Variants in MAPK10 observed in about 807,000 individuals in gnomAD.
The protein encoded by MAPK10 is mitogen-activated protein kinase 10, also known as JNK3 alpha protein kinase.
Under a neutral mutation model 59.3 loss-of-function variants are expected in MAPK10, and 25 were observed. The observed-to-expected ratio is 0.42, with a 90% CI of 0.31 to 0.59. MAPK10 has a LOEUF of 0.59. Ranked by LOEUF, MAPK10 falls within the 20% of genes least tolerant of loss-of-function variation. MAPK10 has a pLI of 0.15. For missense variants in MAPK10, 351 were observed against 568.9 expected (o/e 0.62, Z 3.90); for synonymous variants, 190 against 200.5 (o/e 0.95, Z 0.44).
Position 86,561,052 on chromosome 4 carries a change from G to T in MAPK10, c.-263+32858C>A, listed in dbSNP as rs116011461. 3.4e-3 allele frequency among the ~76,000 whole-genome samples: 511 copies of T among 152,324 alleles called. 1 individual carries two copies. Among genetic ancestry groups the T allele is most frequent in the African/African-American group, 0.012 (494 of 41,570 alleles). Reference sequence around the variant, plus strand: ...AATTTTTTCCATGAATGCGGGAGTAGGGGGAATGAAACTATTTCATGTCAG... The same window carrying T: ...AATTTTTTCCATGAATGCGGGAGTATGGGGAATGAAACTATTTCATGTCAG... On this transcript the variant is annotated intron_variant, in intron 1 of 4. Transcript: ENST00000502302.
intron 4 of MAPK10, among the ~76,000 whole-genome samples, chr4:86,114,228 T>C (rs1028917520): frequency 6.6e-6 from 1 of 152,366 alleles, no homozygotes; most frequent in East Asian, 1.9e-4. Context: ...ATTCATCCAT[T>C]GCAGTCTCAC....
At chr4:86,174,417 T>C (rs777291822) in intron 3 of MAPK10, among the ~76,000 whole-genome samples, 8 of 151,792 alleles carry the variant, frequency 5.3e-5, no homozygotes, top group Non-Finnish European at 1.2e-4. Context: ...AGCTGAAAAA[T>C]GAGAGCACAT....
At position 86,419,362 on chromosome 4, in the gene MAPK10, C is replaced by T. The variant is rs139947428; in HGVS notation, c.-122+33668G>A. On this transcript the variant is annotated intron_variant, in intron 1 of 13. Transcript: ENST00000361569. The stretch of plus-strand genomic sequence containing the variant: ...TTAAATGCCATATATAAAATATTAC[C>T]TTGCATACATATCTAACAATTTATC... Among the ~76,000 whole-genome samples, 912 of 152,056 alleles carry T rather than the reference C, an allele frequency of 6.0e-3. 2 individuals carry two copies. The highest frequency in any genetic ancestry group is 0.026 in the South Asian group (126 of 4,808).
At chr4:86,571,261 T>G (rs1046275183) in intron 1 of MAPK10, among the ~76,000 whole-genome samples, 2 of 145,980 alleles carry the variant, frequency 1.4e-5, no homozygotes, top group Non-Finnish European at 3.0e-5. Flanking sequence ...TATCCAAAAT[T>G]TAAATATATA....
At chr4:86,320,890 AAAAAACAAACAACCCCATC>A in intron 2 of MAPK10, among the ~76,000 whole-genome samples, 1 of 149,334 alleles carries the variant, frequency 6.7e-6, no homozygotes. Flanking sequence ...ATTTACAAGA[AAAAAACAAACAACCCCATC>A]AAAAAGTGGG....
Position 86,576,801 on chromosome 4 carries a change from T to C in MAPK10, c.-263+17109A>G, listed in dbSNP as rs1262809128. Among the ~76,000 whole-genome samples the C allele has an allele frequency of 7.3e-5, 11 of 151,692 alleles. No individual in the cohort carries two copies. In the East Asian group the frequency reaches 1.9e-3, roughly 27 times the overall value. On this transcript the variant is annotated intron_variant, in intron 1 of 4. Coordinates refer to the MAPK10 transcript ENST00000502302. Reference sequence around the variant, plus strand: ...AAAAAAAAAAACAAAAAACCTATAATTGGTTAATTATTGTGAAATGTCTGA... The same window carrying C: ...AAAAAAAAAAACAAAAAACCTATAACTGGTTAATTATTGTGAAATGTCTGA...
chr4:86,116,970 A>G (rs1197206739), intron 4 of MAPK10, among the ~76,000 whole-genome samples: 2 of 152,262 alleles, frequency 1.3e-5, no homozygotes, highest in Non-Finnish European at 2.9e-5. Flanking sequence ...AATTGGACAC[A>G]TATCTGCTAA....
chr4:86,577,880 T>C (rs1241153601), intron 1 of MAPK10, among the ~76,000 whole-genome samples: 4 of 152,136 alleles, frequency 2.6e-5, no homozygotes, highest in Non-Finnish European at 5.9e-5. Flanking sequence ...TAAATATTTA[T>C]AGAATATTTA....
chr4:86,071,466 C>A lies in MAPK10; in HGVS notation c.803-3511G>T, dbSNP rs2047944830. On this transcript the variant is annotated intron_variant, in intron 9 of 13. Transcript: ENST00000641462. Reference sequence around the variant, plus strand: ...GGTGTTTTGGACATGAAGTCCTTGCCCATGCCTATGTCCTGAATGGTAATG... The same window carrying A: ...GGTGTTTTGGACATGAAGTCCTTGCACATGCCTATGTCCTGAATGGTAATG... Among the ~76,000 whole-genome samples the A allele has an allele frequency of 2.1e-5, 3 of 142,092 alleles. No individual in the cohort carries two copies. The South Asian group carries it at 6.7e-4, about 32-fold the overall frequency. The allele number at this position is 142,092 out of a possible 152,430, so 93.2% of individuals were successfully genotyped here. A position where few individuals can be genotyped will look rare whatever the true frequency, so the allele number is the denominator to read the frequency against.
chr4:86,331,248 AAG>A (rs2096145755), intron 2 of MAPK10, among the ~76,000 whole-genome samples: 1 of 152,180 alleles, frequency 6.6e-6, no homozygotes, highest in Non-Finnish European at 1.5e-5. Context: ...ACCAAACCAT[AAG>A]AGTCAGAAAA....
chr4:86,075,322 C>G (rs1241022686), intron 9 of MAPK10, among the ~76,000 whole-genome samples: 2 of 151,960 alleles, frequency 1.3e-5, no homozygotes, highest in Non-Finnish European at 2.9e-5. Flanking sequence ...TTTTTAACTT[C>G]TTTGCCTTTG....
chr4:86,392,831 G>C (rs1284309041), intron 1 of MAPK10, among the ~76,000 whole-genome samples: 1 of 152,254 alleles, frequency 6.6e-6, no homozygotes, highest in African/African-American at 2.4e-5. Flanking sequence ...GACTGCGTAG[G>C]AGTACAGGAG....
chr4:86,510,683 CAAT>C (rs1374660226), intron 1 of MAPK10, among the ~76,000 whole-genome samples: 1 of 151,894 alleles, frequency 6.6e-6, no homozygotes, highest in Non-Finnish European at 1.5e-5. Context: ...TAGATATACT[CAAT>C]GGAATCTAAT....
At chr4:86,500,826 G>A (rs1201050719) in intron 1 of MAPK10, among the ~76,000 whole-genome samples, 2 of 152,100 alleles carry the variant, frequency 1.3e-5, no homozygotes, top group Admixed American at 1.3e-4. Flanking sequence ...TGAAAGCCAT[G>A]TTGCTACAGC....
intron 9 of MAPK10, among the ~76,000 whole-genome samples, chr4:86,096,777 T>C (rs537038604): frequency 6.6e-6 from 1 of 152,014 alleles, no homozygotes; most frequent in Non-Finnish European, 1.5e-5. Context: ...ATTAGGTATA[T>C]AATTAATCCC....
At chr4:86,361,632 T>A (rs1168800015), upstream of MAPK10, among the ~76,000 whole-genome samples, 1 of 151,958 alleles carries the variant, frequency 6.6e-6, no homozygotes, top group Non-Finnish European at 1.5e-5. Flanking sequence ...GATGAATGTA[T>A]ATATATTATG....
chr4:86,432,465 A>G (rs536810673), intron 1 of MAPK10, among the ~76,000 whole-genome samples: 1 of 152,192 alleles, frequency 6.6e-6, no homozygotes, highest in Non-Finnish European at 1.5e-5. Flanking sequence ...TTTTTGGTAG[A>G]GACTGGGTTT....
intron 2 of MAPK10, among the ~76,000 whole-genome samples, chr4:86,272,965 T>C (rs2094476019): frequency 6.6e-6 from 1 of 152,130 alleles, no homozygotes; most frequent in Admixed American, 6.6e-5. Flanking sequence ...CTGCCCATTC[T>C]GCATGGCAAG....
At chr4:86,222,100 G>A (rs1276134755) in intron 2 of MAPK10, among the ~76,000 whole-genome samples, 1 of 152,136 alleles carries the variant, frequency 6.6e-6, no homozygotes, top group Non-Finnish European at 1.5e-5. Flanking sequence ...ATGACTGGAA[G>A]TTTCCTGAGG....
Sources: gnomAD v4.1 joint callset for allele counts (sites outside exome capture counted in the v4.1 genomes callset) on GRCh38, gnomAD v4.1.1 for gene constraint, MANE v1.5 for transcripts, NCBI Gene and HGNC (gene_info 2026-07-23, HGNC 2026-07-21) for gene names.